COL22A1: variants seen among roughly 807,000 people sequenced by gnomAD.
COL22A1 encodes collagen alpha-1(XXII) chain.
COL22A1 carries 221 observed loss-of-function variants against 248.9 expected under a neutral mutation model. The ratio of observed to expected loss-of-function variants is 0.89; its 90% CI spans 0.80 to 0.99. COL22A1 has a LOEUF of 0.99. Among genes scored for constraint, COL22A1 ranks in the 50% least tolerant of loss-of-function variants. The pLI is 0.00. For missense variants in COL22A1, 2,240 were observed against 2,179.0 expected, an observed-to-expected ratio of 1.03 and a Z score of -0.56; for synonymous variants, 891 against 793.4, an observed-to-expected ratio of 1.12 and a Z score of -2.07.
chr8:138,664,540 C>G (rs2130719635), intron 41 of COL22A1, among the ~76,000 whole-genome samples: 1 of 152,208 alleles, frequency 6.6e-6, no homozygotes, highest in East Asian at 1.9e-4. Context: ...GGAGAGCCTC[C>G]TCTGGCTTCT....
chr8:138,594,097 C>T lies in COL22A1; in HGVS notation c.4535G>A (p.Gly1512Asp). The T allele has an allele frequency of 6.3e-7, 1 of 1,582,130 alleles. No individual in the cohort carries two copies. The highest frequency in any genetic ancestry group is 8.5e-7 in the Non-Finnish European group (1 of 1,169,888). ...TGGCTCCCCCATGGGGCCGGCCCGG[C>T]CTGGAAGCCCATCTTTTCCAGGGGG... ...PGPPGKDGLP[G>D]RAGPMGEPGR... The change falls in exon 63 of 65, where the codon GGC becomes GAC. Residue 1512 changes from glycine (G) to aspartate (D), a missense_variant. By Grantham distance (94) the Gly-to-Asp change is moderately conservative. Coordinates refer to ENST00000303045, the MANE Select transcript of COL22A1 (RefSeq NM_152888.3).
chr8:138,823,511 T>G (rs1819334424), intron 6 of COL22A1, among the ~76,000 whole-genome samples: 1 of 152,210 alleles, frequency 6.6e-6, no homozygotes, highest in Non-Finnish European at 1.5e-5. Flanking sequence ...GTTCAAGCAA[T>G]TCTCCTGCTT....
Position 138,592,866 on chromosome 8 carries a change from AT to A in COL22A1, c.4615+1150del, listed in dbSNP as rs546274734. The stretch of plus-strand genomic sequence containing the variant: ...GCAAGCTTAAAAAAATAGATAAAAT[AT>A]TTTTTAAACAACCTTTTATAAATCA... On this transcript the variant is annotated intron_variant, in intron 63 of 64. Transcript: ENST00000303045. Among the ~76,000 whole-genome samples, 81 of 152,342 alleles carry A rather than the reference AT, an allele frequency of 5.3e-4. 1 individual carries two copies. The highest frequency in any genetic ancestry group is 3.4e-3 in the Middle Eastern group (1 of 294).
chr8:138,705,051 T>C (rs1828304004), intron 30 of COL22A1, among the ~76,000 whole-genome samples: 1 of 151,840 alleles, frequency 6.6e-6, no homozygotes, highest in African/African-American at 2.4e-5. Context: ...ATCAAATGAA[T>C]GAAATGAAGC....
intron 16 of COL22A1, 128 bp downstream of exon 16, chr8:138,775,838 A>T: frequency 2.2e-6 from 2 of 904,084 alleles, no homozygotes; most frequent in Non-Finnish European, 3.7e-6. Flanking sequence ...ACATGTACAC[A>T]CATGTGCACA....
intron 57 of COL22A1, among the ~76,000 whole-genome samples, chr8:138,607,211 C>T (rs1818492480): frequency 6.6e-6 from 1 of 152,160 alleles, no homozygotes; most frequent in Admixed American, 6.5e-5. Flanking sequence ...GTACCAAGTC[C>T]TGGTCAGCCC....
In COL22A1 at chr8:138,676,652, A is replaced by G. The variant is rs1329587205; in HGVS notation, c.3073-17T>C. 5.2e-6 allele frequency: 8 copies of G among 1,543,768 alleles called. 1 individual carries two copies. In the South Asian group the frequency reaches 8.3e-5, roughly 16 times the overall value. On this transcript the variant is annotated splice_polypyrimidine_tract_variant and intron_variant, in intron 40 of 64. Coordinates refer to ENST00000303045, the MANE Select transcript of COL22A1 (RefSeq NM_152888.3). The stretch of plus-strand genomic sequence containing the variant: ...TCGATCCCCCTAGAAAGAGAGAAAA[A>G]TAAGATCAAGGAGGTCAGTGCCAGG...
intron 30 of COL22A1, among the ~76,000 whole-genome samples, chr8:138,712,239 A>G (rs1829029725): frequency 6.6e-6 from 1 of 152,218 alleles, no homozygotes; most frequent in Non-Finnish European, 1.5e-5. Flanking sequence ...ACCATACTCC[A>G]GGCCAGCATT....
rs114522232 is a variant in COL22A1, at chr8:138,895,373, C to T, written c.-72-12129G>A. On this transcript the variant is annotated intron_variant, in intron 1 of 64. Coordinates refer to ENST00000303045, the MANE Select transcript of COL22A1 (RefSeq NM_152888.3). ...AATTTTGTCACAAATATTTTTAAAGCAGAAGTCATAGAAATGCTTCAATAA... is the reference window on the plus strand; with the variant it reads ...AATTTTGTCACAAATATTTTTAAAGTAGAAGTCATAGAAATGCTTCAATAA... Among the ~76,000 whole-genome samples, 396 of 151,960 alleles carry T rather than the reference C, an allele frequency of 2.6e-3. 1 individual carries two copies. Among genetic ancestry groups the T allele is most frequent in the Middle Eastern group, 0.01 (3 of 294 alleles).
chr8:138,778,090 G>A, intron 15 of COL22A1: 2 of 538,690 alleles, frequency 3.7e-6, no homozygotes. Context: ...GGTTAAAAAT[G>A]CAGATTCCTG....
chr8:138,901,357 GGTTTTTTTTTT>G (rs1298765361), intron 1 of COL22A1, among the ~76,000 whole-genome samples: 1 of 77,208 alleles, frequency 1.3e-5, no homozygotes, highest in Non-Finnish European at 3.1e-5. Context: ...ATTACTGGCA[GGTTTTTTTTTT>G]GTTTTTTTTT....
At chr8:138,778,454 G>A in intron 14 of COL22A1, 48 bp from the exon 15 acceptor site, 2 of 1,517,418 alleles carry the variant, frequency 1.3e-6, no homozygotes, top group Non-Finnish European at 1.8e-6. Context: ...GGAAAAGAAA[G>A]GCAAGTGCAG....
At chr8:138,595,037 G>T (rs777239230) in intron 62 of COL22A1, among the ~76,000 whole-genome samples, 1 of 152,162 alleles carries the variant, frequency 6.6e-6, no homozygotes, top group African/African-American at 2.4e-5. Flanking sequence ...GTCTTTGTTA[G>T]CCATGCAGTC....
rs542146091 is a variant in COL22A1 at position 138,781,611 on chromosome 8, G to A, written c.1597-631C>T. On this transcript the variant is annotated intron_variant, in intron 12 of 64. Transcript: ENST00000303045. ...CACACATGACATGAATAAACACGGTGCAGCTGTGGGAAGTTGGGGGCTAGA... is the reference window on the plus strand; with the variant it reads ...CACACATGACATGAATAAACACGGTACAGCTGTGGGAAGTTGGGGGCTAGA... Among the ~76,000 whole-genome samples the A allele has an allele frequency of 2.0e-5, 3 of 152,296 alleles. No individual in the cohort carries two copies. In the South Asian group the frequency reaches 6.2e-4, roughly 32 times the overall value.
chr8:138,755,102 C>A (rs2318339), intron 21 of COL22A1, 55 bp downstream of exon 21: 2 of 1,555,732 alleles, frequency 1.3e-6, no homozygotes, highest in African/African-American at 1.4e-5. Flanking sequence ...TCTTCCAAAC[C>A]CATTGGTAAG....
At chr8:138,692,487 G>GCA (rs1827171645) in intron 35 of COL22A1, among the ~76,000 whole-genome samples, 1 of 147,582 alleles carries the variant, frequency 6.8e-6, no homozygotes, top group Admixed American at 6.8e-5. Flanking sequence ...GTGTGTGTGT[G>GCA]TGTGTGTGTG....
chr8:138,817,107 C>T (rs1193613082), intron 7 of COL22A1, among the ~76,000 whole-genome samples: 1 of 152,192 alleles, frequency 6.6e-6, no homozygotes, highest in African/African-American at 2.4e-5. Context: ...GGCCACTGGC[C>T]TGGGTGTTTT....
In COL22A1 at chr8:138,591,933, T is replaced by C. The variant is rs367655646; in HGVS notation, c.4616-432A>G. Reference sequence around the variant, plus strand: ...CTCTCATATGCCGTACACACAGAAGTCCGCATGCATCTCCTCTTATATGTC... The same window carrying C: ...CTCTCATATGCCGTACACACAGAAGCCCGCATGCATCTCCTCTTATATGTC... On this transcript the variant is annotated intron_variant, in intron 63 of 64. Coordinates refer to ENST00000303045, the MANE Select transcript of COL22A1 (RefSeq NM_152888.3). Among the ~76,000 whole-genome samples the C allele has an allele frequency of 1.6e-3, 245 of 152,240 alleles. 2 individuals are homozygous for C. The highest frequency in any genetic ancestry group is 5.6e-3 in the African/African-American group (232 of 41,542).
intron 22 of COL22A1, among the ~76,000 whole-genome samples, chr8:138,750,733 T>C (rs540607657): frequency 1.1e-4 from 16 of 152,156 alleles, no homozygotes; most frequent in Admixed American, 1.0e-3. Flanking sequence ...CCATGTGAAC[T>C]AGTAAAAGGC....
Sources: gnomAD v4.1 joint callset for allele counts (sites outside exome capture counted in the v4.1 genomes callset) on GRCh38, gnomAD v4.1.1 for gene constraint, MANE v1.5 for transcripts, NCBI Gene and HGNC (gene_info 2026-07-23, HGNC 2026-07-21) for gene names.